The following CATSPERB variants were observed in gnomAD, a reference collection of about 807,000 sequenced individuals.
CATSPERB encodes the protein cation channel sperm-associated auxiliary subunit beta.
CATSPERB carries 93 observed loss-of-function variants against 128.3 expected under a neutral mutation model. The observed-to-expected ratio is 0.72, with a 90% confidence interval of 0.61 to 0.86. The LOEUF is 0.86. CATSPERB is among the 40% of genes least tolerant of loss of function. CATSPERB has a pLI of 0.00. For missense variants in CATSPERB, 1,153 were observed against 1,329.5 expected (o/e 0.87, Z 2.06); for synonymous variants, 381 against 448.8 (o/e 0.85, Z 1.91).
chr14:91,589,506 A>C, intron 24 of CATSPERB, 28 bp downstream of exon 24: 1 of 1,595,852 alleles, frequency 6.3e-7, no homozygotes. Context: ...TATCAGATAA[A>C]ATAATTACAG....
intron 7 of CATSPERB, among the ~76,000 whole-genome samples, chr14:91,701,102 C>G (rs1220214698): frequency 1.3e-5 from 2 of 152,212 alleles, no homozygotes; most frequent in East Asian, 3.9e-4. Flanking sequence ...ATGGTGAAGT[C>G]ACCAAAAATA....
chr14:91,621,836 A>C lies in CATSPERB; in HGVS notation c.2032T>G (p.Leu678Val), dbSNP rs775276520. The C allele has an allele frequency of 3.1e-6, 5 of 1,614,032 alleles. No individual in the cohort carries two copies. The highest frequency in any genetic ancestry group is 4.2e-6 in the Non-Finnish European group (5 of 1,179,970). ...CTTTCAGGCATGGTAGCAATGGCTAATGCATTCTTATTATCTAAAATGCTT... is the reference window on the plus strand; with the variant it reads ...CTTTCAGGCATGGTAGCAATGGCTACTGCATTCTTATTATCTAAAATGCTT... ...ITSILDNKNA[L>V]AIATMPESAP... The change falls in exon 19 of 27, where the codon TTA becomes GTA. Residue 678 changes from leucine (L) to valine (V), a missense_variant. Leu to Val is a conservative substitution (Grantham distance 32). Transcript: ENST00000256343.
Position 91,621,728 on chromosome 14 carries a change from A to G in CATSPERB, c.2140T>C (p.Tyr714His). The change falls in exon 19 of 27, where the codon TAT (tyrosine) becomes CAT (histidine). Residue 714 changes from tyrosine to histidine, a missense_variant. Transcript: ENST00000256343. ...GQRNGRTWKI[Y>H]SKPCNYWFQH... Reference sequence around the variant, plus strand: ...AACCAATAATTACATGGTTTTGAATATATTTTCCATGTTCGTCCATTCCTT... The same window carrying G: ...AACCAATAATTACATGGTTTTGAATGTATTTTCCATGTTCGTCCATTCCTT... 6.2e-7 allele frequency: 1 copy of G among 1,613,906 alleles called. No individual in the cohort carries two copies.
At chr14:91,707,675 T>A (rs1191589886) in intron 6 of CATSPERB, among the ~76,000 whole-genome samples, 1 of 140,290 alleles carries the variant, frequency 7.1e-6, no homozygotes, top group Non-Finnish European at 1.5e-5. Flanking sequence ...CCTGGCTCAC[T>A]GTAACCTCTG....
chr14:91,616,168 A>G (rs1175668727), intron 20 of CATSPERB, among the ~76,000 whole-genome samples: 4 of 152,198 alleles, frequency 2.6e-5, no homozygotes, highest in Non-Finnish European at 5.9e-5. Flanking sequence ...GGCGTGAGCC[A>G]CTGCACCTGG....
chr14:91,639,720 G>T (rs1340526445), intron 15 of CATSPERB, among the ~76,000 whole-genome samples: 1 of 152,148 alleles, frequency 6.6e-6, no homozygotes, highest in Non-Finnish European at 1.5e-5. Flanking sequence ...ACGTTGAGAG[G>T]CACTGTCAGT....
At chr14:91,604,801 G>C (rs182844992) in intron 22 of CATSPERB, 17 of 1,605,850 alleles carry the variant, frequency 1.1e-5, no homozygotes, top group Non-Finnish European at 1.4e-5. Flanking sequence ...GGCTGGGGTA[G>C]GTAGGTGCTG....
rs1386564451 is a variant in CATSPERB at position 91,639,258 on chromosome 14, G to A, written c.1433-8C>T. Reference sequence around the variant, plus strand: ...CACTGTATCTTCCCATTCCTATTAGGAAATACAGAGAAGTGTCTTGATACT... The same window carrying A: ...CACTGTATCTTCCCATTCCTATTAGAAAATACAGAGAAGTGTCTTGATACT... On this transcript the variant is annotated splice_region_variant and splice_polypyrimidine_tract_variant and intron_variant, in intron 15 of 26. Coordinates refer to ENST00000256343, the MANE Select transcript of CATSPERB (RefSeq NM_024764.4). The A allele has an allele frequency of 3.1e-6, 5 of 1,610,560 alleles. No homozygotes were observed. Among genetic ancestry groups the A allele is most frequent in the African/African-American group, 1.3e-5 (1 of 74,810 alleles).
chr14:91,654,683 C>A (rs1168676608), intron 15 of CATSPERB, among the ~76,000 whole-genome samples: 8 of 152,182 alleles, frequency 5.3e-5, no homozygotes, highest in Non-Finnish European at 1.2e-4. Flanking sequence ...CAACTCACTG[C>A]CCTGAAGGGA....
intron 19 of CATSPERB, 146 bp from the exon 20 acceptor site, chr14:91,617,882 T>C: frequency 1.7e-6 from 1 of 595,690 alleles, no homozygotes. Context: ...GCAATTTATA[T>C]AGAGTCAACT....
chr14:91,609,885 T>G (rs982988698), intron 21 of CATSPERB, among the ~76,000 whole-genome samples: 2 of 152,158 alleles, frequency 1.3e-5, no homozygotes, highest in Non-Finnish European at 2.9e-5. Flanking sequence ...CGTGCCGGGC[T>G]AATTTTTGTA....
intron 15 of CATSPERB, among the ~76,000 whole-genome samples, chr14:91,640,251 T>A (rs1437777933): frequency 9.7e-6 from 1 of 102,638 alleles, no homozygotes. Flanking sequence ...TTTATTTTTT[T>A]ATTTTTTTTT....
At chr14:91,631,253 C>G (rs1894272281) in intron 17 of CATSPERB, among the ~76,000 whole-genome samples, 2 of 152,200 alleles carry the variant, frequency 1.3e-5, no homozygotes. Flanking sequence ...GTAATAGGCA[C>G]TCAAATATTC....
intron 7 of CATSPERB, among the ~76,000 whole-genome samples, chr14:91,695,695 A>G (rs912774199): frequency 1.3e-5 from 2 of 152,204 alleles, no homozygotes; most frequent in Non-Finnish European, 2.9e-5. Context: ...GGAAGCAGGG[A>G]AGTGATGTGA....
intron 17 of CATSPERB, 45 bp downstream of exon 17, chr14:91,636,380 G>T: frequency 6.3e-7 from 1 of 1,580,768 alleles, no homozygotes; most frequent in Non-Finnish European, 8.6e-7. Context: ...TTAAAAAGTA[G>T]ATTCTAGAAA....
At position 91,580,864 on chromosome 14, in the gene CATSPERB, A is replaced by G; in HGVS notation, c.*25T>C. The G allele has an allele frequency of 6.4e-7, 1 of 1,573,644 alleles. No homozygotes were observed. Among genetic ancestry groups the G allele is most frequent in the Non-Finnish European group, 8.7e-7 (1 of 1,147,808 alleles). On this transcript the variant is annotated 3_prime_UTR_variant, in exon 27 of 27. Coordinates refer to ENST00000256343, the MANE Select transcript of CATSPERB (RefSeq NM_024764.4). ...AATTGGCTGATAAAACTAGAAAATAAAGAGAAATTATGATCACCATGTGTT... is the reference window on the plus strand; with the variant it reads ...AATTGGCTGATAAAACTAGAAAATAGAGAGAAATTATGATCACCATGTGTT...
chr14:91,641,221 G>A (rs1238612627), intron 15 of CATSPERB, among the ~76,000 whole-genome samples: 1 of 150,366 alleles, frequency 6.7e-6, no homozygotes, highest in African/African-American at 2.5e-5. Flanking sequence ...CTTTTGCTGT[G>A]CAGAAGCTCT....
chr14:91,622,574 T>G (rs1894070794), intron 18 of CATSPERB, among the ~76,000 whole-genome samples: 1 of 152,170 alleles, frequency 6.6e-6, no homozygotes, highest in African/African-American at 2.4e-5. Context: ...ATCAAAATAT[T>G]TTTGATAGGT....
intron 14 of CATSPERB, among the ~76,000 whole-genome samples, chr14:91,661,640 T>C (rs1475383247): frequency 6.6e-6 from 1 of 151,412 alleles, no homozygotes; most frequent in Non-Finnish European, 1.5e-5. Context: ...TCAAGCCATC[T>C]TTTCACCTCA....
Sources: allele counts gnomAD v4.1 joint callset (sites outside exome capture counted in the v4.1 genomes callset), GRCh38; gene constraint gnomAD v4.1.1; transcripts MANE v1.5; gene names NCBI Gene and HGNC (gene_info 2026-07-23, HGNC 2026-07-21).